Variants in RIMS2 observed in about 807,000 individuals in gnomAD.
The protein encoded by RIMS2 is regulating synaptic membrane exocytosis 2, also known as regulating synaptic membrane exocytosis protein 2.
RIMS2 carries 59 observed loss-of-function variants against 174.4 expected under a neutral mutation model. The observed-to-expected ratio is 0.34, with a 90% CI of 0.27 to 0.42. RIMS2 has a LOEUF of 0.42. Among genes scored for constraint, RIMS2 ranks in the 10% least tolerant of loss-of-function variants. The pLI is 1.00. For missense variants in RIMS2, 1,620 were observed against 1,666.3 expected, an observed-to-expected ratio of 0.97 and a Z score of 0.48; for synonymous variants, 606 against 572.5, an observed-to-expected ratio of 1.06 and a Z score of -0.84.
chr8:104,156,145 A>C (rs1329551838), intron 19 of RIMS2, among the ~76,000 whole-genome samples: 1 of 152,212 alleles, frequency 6.6e-6, no homozygotes, highest in Non-Finnish European at 1.5e-5. Flanking sequence ...ACTTAATACA[A>C]AAGTTCATTT....
At chr8:103,806,346 A>G (rs1237162069) in intron 3 of RIMS2, among the ~76,000 whole-genome samples, 7 of 152,158 alleles carry the variant, frequency 4.6e-5, no homozygotes, top group Non-Finnish European at 1.0e-4. Context: ...GGACCCTTAG[A>G]AACTATAACA....
chr8:103,661,348 C>G (rs1050260852), intron 1 of RIMS2, among the ~76,000 whole-genome samples: 1 of 152,056 alleles, frequency 6.6e-6, no homozygotes, highest in Non-Finnish European at 1.5e-5. Flanking sequence ...ATTCTGATGT[C>G]ATTATTTTTT....
At chr8:103,973,794 G>A (rs893835026) in intron 15 of RIMS2, among the ~76,000 whole-genome samples, 2 of 152,172 alleles carry the variant, frequency 1.3e-5, no homozygotes, top group African/African-American at 4.8e-5. Context: ...CAATTATTTG[G>A]AAGTTGTAGT....
chr8:103,768,238 G>A (rs2098202178), intron 3 of RIMS2: 1 of 467,970 alleles, frequency 2.1e-6, no homozygotes, highest in Non-Finnish European at 3.9e-6. Context: ...ATGAATAATG[G>A]GCTCTTTTTC....
At chr8:104,227,829 T>A (rs2099197812) in intron 19 of RIMS2, among the ~76,000 whole-genome samples, 1 of 152,206 alleles carries the variant, frequency 6.6e-6, no homozygotes, top group Admixed American at 6.5e-5. Context: ...TGACTTCTTT[T>A]ACATCCCACT....
intron 19 of RIMS2, among the ~76,000 whole-genome samples, chr8:104,050,948 T>A (rs1454974635): frequency 6.6e-6 from 1 of 152,122 alleles, no homozygotes; most frequent in Non-Finnish European, 1.5e-5. Flanking sequence ...TATAAGAAGG[T>A]AAATTGGCCA....
intron 1 of RIMS2, among the ~76,000 whole-genome samples, chr8:103,652,939 AAAT>A (rs35650445): frequency 0.18 from 26,810 of 152,006 alleles, 2,551 homozygotes; most frequent in African/African-American, 0.24. Context: ...ATTTTAGTAT[AAAT>A]AATGTAAGCC....
chr8:103,744,493 G>A (rs1315367620), intron 2 of RIMS2, among the ~76,000 whole-genome samples: 2 of 151,812 alleles, frequency 1.3e-5, no homozygotes, highest in African/African-American at 4.8e-5. Context: ...TAATTTTATG[G>A]AACAATTTAC....
chr8:103,757,002 TGTGTGTGTGA>T (rs749740829), intron 2 of RIMS2, among the ~76,000 whole-genome samples: 4,296 of 144,188 alleles, frequency 0.03, 78 homozygotes, highest in Non-Finnish European at 0.041. Flanking sequence ...TGTGTGTGTG[TGTGTGTGTGA>T]GAGAGAGAGA....
At chr8:104,015,060 A>G (rs1597151229) in intron 19 of RIMS2, among the ~76,000 whole-genome samples, 1 of 152,284 alleles carries the variant, frequency 6.6e-6, no homozygotes, top group South Asian at 2.1e-4. Context: ...ATGAATATAC[A>G]ATGAAAGATG....
At chr8:103,652,155 A>G in intron 1 of RIMS2, 50 bp from the exon 2 acceptor site, 2 of 1,092,936 alleles carry the variant, frequency 1.8e-6, no homozygotes, top group Non-Finnish European at 2.5e-6. Context: ...TTGTAAATAG[A>G]AATCTCTTCA....
chr8:103,575,710 C>T (rs2093179946), intron 1 of RIMS2, among the ~76,000 whole-genome samples: 1 of 132,914 alleles, frequency 7.5e-6, no homozygotes, highest in African/African-American at 2.8e-5. Context: ...ACACATACAG[C>T]ACTGAGATTA....
intron 3 of RIMS2, among the ~76,000 whole-genome samples, chr8:103,861,549 C>T (rs900759004): frequency 2.6e-5 from 4 of 152,096 alleles, no homozygotes; most frequent in African/African-American, 7.2e-5. Context: ...TTTGGGAAAT[C>T]TCCATACTGT....
chr8:103,915,852 C>T (rs546032179), intron 7 of RIMS2, among the ~76,000 whole-genome samples: 1 of 151,924 alleles, frequency 6.6e-6, no homozygotes, highest in African/African-American at 2.4e-5. Flanking sequence ...TTTGTTTCCC[C>T]TAAGACCTTT....
chr8:104,218,251 G>A (rs907219249), intron 19 of RIMS2, among the ~76,000 whole-genome samples: 87 of 152,160 alleles, frequency 5.7e-4, no homozygotes, highest in African/African-American at 1.9e-3. Context: ...GTAGGCATTC[G>A]TTTTTCTACT....
At chr8:103,529,208 A>G (rs1360391802) in intron 1 of RIMS2, among the ~76,000 whole-genome samples, 2 of 151,612 alleles carry the variant, frequency 1.3e-5, no homozygotes, top group East Asian at 3.8e-4. Context: ...TTATTGGTGT[A>G]TAAGAATGCT....
At chr8:103,992,183 A>G (rs897895663) in intron 17 of RIMS2, among the ~76,000 whole-genome samples, 2 of 151,804 alleles carry the variant, frequency 1.3e-5, no homozygotes, top group South Asian at 2.1e-4. Flanking sequence ...TTCTCAGCTC[A>G]CTGCAACCTC....
At chr8:103,847,849 A>G (rs895464678) in intron 3 of RIMS2, among the ~76,000 whole-genome samples, 2 of 152,044 alleles carry the variant, frequency 1.3e-5, no homozygotes, top group African/African-American at 2.4e-5. Flanking sequence ...GCTTGCCTAC[A>G]TATCTGTCAG....
intron 3 of RIMS2, among the ~76,000 whole-genome samples, chr8:103,834,746 C>CTTTCTTTCTTTCTT (rs1564830911): frequency 1.3e-5 from 1 of 77,244 alleles, no homozygotes; most frequent in Non-Finnish European, 2.9e-5. Context: ...CTTTCTTTCT[C>CTTTCTTTCTTTCTT]TCTCTTTCTT....
Sources: allele counts gnomAD v4.1 joint callset (sites outside exome capture counted in the v4.1 genomes callset), GRCh38; gene constraint gnomAD v4.1.1; transcripts MANE v1.5; gene names NCBI Gene and HGNC (gene_info 2026-07-23, HGNC 2026-07-21).